The following NBDY variants were observed in gnomAD, a reference collection of about 807,000 sequenced individuals.
The protein encoded by NBDY is negative regulator of P-body association.
chrX:56,799,316 A>T (rs1019164236), intron 2 of NBDY, among the ~76,000 whole-genome samples: 1 of 112,858 alleles, frequency 8.9e-6, no homozygotes, highest in Non-Finnish European at 1.9e-5. Flanking sequence ...GCCCCAGCCA[A>T]GGGCACCCCT....
intron 2 of NBDY, among the ~76,000 whole-genome samples, chrX:56,789,588 T>G (rs1854420300): frequency 8.9e-6 from 1 of 111,935 alleles, no homozygotes; most frequent in Non-Finnish European, 1.9e-5. Flanking sequence ...CACACATTGT[T>G]GAGCCATGGA....
chrX:56,783,775 C>T (rs1004690497), intron 2 of NBDY, among the ~76,000 whole-genome samples: 2 of 112,742 alleles, frequency 1.8e-5, no homozygotes, highest in African/African-American at 3.2e-5. Flanking sequence ...ACGTCTTTTC[C>T]TTCCCTTCCC....
intron 2 of NBDY, among the ~76,000 whole-genome samples, chrX:56,804,170 G>T (rs867480913): frequency 8.0e-5 from 9 of 112,251 alleles, no homozygotes; most frequent in Non-Finnish European, 1.1e-4. Flanking sequence ...CTGCCTGCTT[G>T]TGAGCACTAC....
At chrX:56,804,096 G>A (rs764007410) in intron 2 of NBDY, among the ~76,000 whole-genome samples, 1 of 111,659 alleles carries the variant, frequency 9.0e-6, no homozygotes, top group South Asian at 3.8e-4. Context: ...GAGTGCATGG[G>A]CCTGCTTGTA....
chrX:56,814,644 C>T (rs1275658119), intron 2 of NBDY, among the ~76,000 whole-genome samples: 1 of 110,167 alleles, frequency 9.1e-6, no homozygotes, highest in Non-Finnish European at 1.9e-5. Flanking sequence ...AGGTGCATGC[C>T]ACCATGCCCA....
At chrX:56,792,235 G>A (rs1183864275) in intron 2 of NBDY, among the ~76,000 whole-genome samples, 1 of 111,065 alleles carries the variant, frequency 9.0e-6, no homozygotes, top group African/African-American at 3.3e-5. Context: ...GTAAAATGTC[G>A]TGGTGAACGC....
At chrX:56,786,852 C>T (rs973154191) in intron 2 of NBDY, among the ~76,000 whole-genome samples, 5 of 111,196 alleles carry the variant, frequency 4.5e-5, no homozygotes, top group African/African-American at 1.6e-4. Flanking sequence ...CACTTTCATT[C>T]TTAAAGGAGC....
chrX:56,758,754 C>A (rs1036548794), intron 2 of NBDY, among the ~76,000 whole-genome samples: 2 of 111,642 alleles, frequency 1.8e-5, no homozygotes, highest in African/African-American at 3.3e-5. Flanking sequence ...GCTAGAGTGT[C>A]TTTGAGGGTG....
At chrX:56,781,076 A>T (rs2069684902) in intron 2 of NBDY, among the ~76,000 whole-genome samples, 2 of 111,505 alleles carry the variant, frequency 1.8e-5, no homozygotes, top group Admixed American at 9.5e-5. Flanking sequence ...GAAGTAAGGA[A>T]CGCAGGAACT....
intron 2 of NBDY, among the ~76,000 whole-genome samples, chrX:56,758,396 A>C (rs2069622103): frequency 9.0e-6 from 1 of 110,844 alleles, no homozygotes; most frequent in Admixed American, 9.5e-5. Context: ...CCCATCCAGC[A>C]GAACAGGGTC....
chrX:56,807,055 C>T (rs183126630), intron 2 of NBDY, among the ~76,000 whole-genome samples: 1 of 112,059 alleles, frequency 8.9e-6, no homozygotes, highest in African/African-American at 3.2e-5. Flanking sequence ...TTCCCAGCAC[C>T]ATTTATTAAA....
intron 2 of NBDY, among the ~76,000 whole-genome samples, chrX:56,764,998 G>A (rs373149259): frequency 2.7e-5 from 3 of 112,665 alleles, no homozygotes; most frequent in Non-Finnish European, 5.6e-5. Context: ...ATTGCAGTTC[G>A]CTGTCAATCT....
chrX:56,762,619 C>A (rs747373571), intron 2 of NBDY, among the ~76,000 whole-genome samples: 10 of 110,913 alleles, frequency 9.0e-5, no homozygotes, highest in African/African-American at 1.3e-4. Context: ...CCTTGTTCTC[C>A]TTGAAGACGA....
chrX:56,735,819 G>T (rs2069486100), intron 2 of NBDY, among the ~76,000 whole-genome samples: 2 of 111,035 alleles, frequency 1.8e-5, no homozygotes, highest in Admixed American at 1.9e-4. Context: ...GCGAAGTAGG[G>T]CTACACTAAA....
rs1602664394 is a variant in NBDY, at chrX:56,793,517, C to T, written c.*167-23803C>T. 2.7e-5 allele frequency among the ~76,000 whole-genome samples: 3 copies of T among 110,141 alleles called. No individual in the cohort carries two copies. In the South Asian group the frequency reaches 1.2e-3, roughly 43 times the overall value. On this transcript the variant is annotated intron_variant, in intron 2 of 2. Coordinates refer to ENST00000374922, the MANE Select transcript of NBDY (RefSeq NM_001348129.2). The stretch of plus-strand genomic sequence containing the variant: ...TTTTCTCCTTCCTCTTTACTTTTTT[C>T]ACATGGGAAAGCATGGAGGGCCTCA...
At chrX:56,754,404 C>G (rs1312887040) in intron 2 of NBDY, among the ~76,000 whole-genome samples, 1 of 111,714 alleles carries the variant, frequency 9.0e-6, no homozygotes, top group Non-Finnish European at 1.9e-5. Context: ...AACACTTCAT[C>G]TAACAACAGG....
At chrX:56,813,784 G>T (rs2069898119) in intron 2 of NBDY, among the ~76,000 whole-genome samples, 1 of 111,174 alleles carries the variant, frequency 9.0e-6, no homozygotes, top group Admixed American at 9.6e-5. Flanking sequence ...TATCAGATAG[G>T]CCCCAGCAGT....
At chrX:56,737,350 C>T in intron 2 of NBDY, 1 of 726,848 alleles carries the variant, frequency 1.4e-6, no homozygotes. Flanking sequence ...GCTCTTTAGG[C>T]AAGATCTGAT....
At chrX:56,797,973 AT>A (rs771826147) in intron 2 of NBDY, among the ~76,000 whole-genome samples, 8 of 112,233 alleles carry the variant, frequency 7.1e-5, no homozygotes, top group Non-Finnish European at 1.3e-4. Flanking sequence ...AACCAGACCA[AT>A]AAACAGGTAA....
Sources: allele counts gnomAD v4.1 joint callset (sites outside exome capture counted in the v4.1 genomes callset), GRCh38; gene constraint gnomAD v4.1.1; transcripts MANE v1.5; gene names NCBI Gene and HGNC (gene_info 2026-07-23, HGNC 2026-07-21).